HS6ST3: variants seen among roughly 807,000 people sequenced by gnomAD.
The protein encoded by HS6ST3 is heparan sulfate 6-O-sulfotransferase 3.
Under a neutral mutation model 36.7 loss-of-function variants are expected in HS6ST3, and 12 were observed. That is an observed-to-expected ratio of 0.33 (90% confidence interval 0.21 to 0.53). The LOEUF (loss-of-function observed/expected upper bound fraction) is 0.53, where lower values mean the gene tolerates loss of function less well. Among genes scored for constraint, HS6ST3 ranks in the 20% least tolerant of loss-of-function variants. The pLI, the probability that HS6ST3 is intolerant of heterozygous loss-of-function variation, is 0.95. For missense variants in HS6ST3, 584 were observed against 640.9 expected (o/e 0.91, Z 0.96); for synonymous variants, 240 against 257.5 (o/e 0.93, Z 0.65).
chr13:96,209,000 A>G (rs2139356277), intron 1 of HS6ST3, among the ~76,000 whole-genome samples: 1 of 152,294 alleles, frequency 6.6e-6, no homozygotes, highest in South Asian at 2.1e-4. Context: ...TAACTGCATG[A>G]GTTTGTGCAC....
intron 1 of HS6ST3, among the ~76,000 whole-genome samples, chr13:96,674,751 A>G (rs1438864521): frequency 6.6e-6 from 1 of 152,128 alleles, no homozygotes; most frequent in African/African-American, 2.4e-5. Flanking sequence ...GCAGTGGTCC[A>G]CTGCTCACTT....
At chr13:96,538,120 A>G (rs543334082) in intron 1 of HS6ST3, among the ~76,000 whole-genome samples, 1 of 152,310 alleles carries the variant, frequency 6.6e-6, no homozygotes, top group East Asian at 1.9e-4. Context: ...GAGGACCCAA[A>G]CACGAATTAG....
At chr13:96,664,899 T>C (rs928439204) in intron 1 of HS6ST3, among the ~76,000 whole-genome samples, 3 of 152,138 alleles carry the variant, frequency 2.0e-5, no homozygotes, top group Admixed American at 2.0e-4. Flanking sequence ...AGGCTAAGCA[T>C]GGTGGCTCAT....
chr13:96,382,941 A>G (rs1441001939), intron 1 of HS6ST3, among the ~76,000 whole-genome samples: 1 of 152,242 alleles, frequency 6.6e-6, no homozygotes, highest in Non-Finnish European at 1.5e-5. Context: ...ACATGCACAT[A>G]TGTAAAATAT....
intron 1 of HS6ST3, among the ~76,000 whole-genome samples, chr13:96,179,832 T>A (rs1406279577): frequency 6.6e-6 from 1 of 152,144 alleles, no homozygotes; most frequent in Non-Finnish European, 1.5e-5. Flanking sequence ...TTTATTTTAT[T>A]CTATTTATTT....
chr13:96,333,533 G>C (rs2055083414), intron 1 of HS6ST3, among the ~76,000 whole-genome samples: 1 of 152,138 alleles, frequency 6.6e-6, no homozygotes. Context: ...TTTGTATGGA[G>C]GGCTTTGGGA....
chr13:96,625,318 G>T (rs890668483), intron 1 of HS6ST3, among the ~76,000 whole-genome samples: 3 of 152,090 alleles, frequency 2.0e-5, no homozygotes, highest in Non-Finnish European at 4.4e-5. Context: ...CATCTGGTTC[G>T]GGAAACAAGT....
chr13:96,573,435 C>T (rs944197913), intron 1 of HS6ST3, among the ~76,000 whole-genome samples: 2 of 151,970 alleles, frequency 1.3e-5, no homozygotes, highest in African/African-American at 2.4e-5. Flanking sequence ...AGGCAGAGCA[C>T]GAGAGGTCCT....
rs148333609 is a variant in HS6ST3, at chr13:96,507,138, C to A, written c.708-325352C>A. On this transcript the variant is annotated intron_variant, in intron 1 of 1. Coordinates refer to ENST00000376705, the MANE Select transcript of HS6ST3 (RefSeq NM_153456.4). ...TTACTATTTCCGTGTGGGAATATGT[C>A]AGACTTCATTTAACTCAAATAACTA... is the stretch of plus-strand genomic sequence containing the variant. 5.8e-3 allele frequency among the ~76,000 whole-genome samples: 880 copies of A among 152,214 alleles called. 9 individuals carry two copies. Among genetic ancestry groups the A allele is most frequent in the African/African-American group, 0.016 (657 of 41,532 alleles).
At chr13:96,762,411 T>C (rs980767478) in intron 1 of HS6ST3, among the ~76,000 whole-genome samples, 45 of 152,158 alleles carry the variant, frequency 3.0e-4, no homozygotes, top group Non-Finnish European at 1.0e-4. Flanking sequence ...ACCCAGGAGA[T>C]GGAGGTTGCA....
intron 1 of HS6ST3, among the ~76,000 whole-genome samples, chr13:96,572,152 G>A (rs762906812): frequency 9.2e-5 from 14 of 152,166 alleles, no homozygotes; most frequent in Non-Finnish European, 1.8e-4. Flanking sequence ...GATCTTGGGC[G>A]TGTCCCTTAA....
intron 1 of HS6ST3, among the ~76,000 whole-genome samples, chr13:96,430,214 T>A (rs2055607989): frequency 6.6e-6 from 1 of 152,214 alleles, no homozygotes; most frequent in Non-Finnish European, 1.5e-5. Context: ...AAAATGAACC[T>A]AATTTCTGGC....
rs962104943 is a variant in HS6ST3 at position 96,285,087 on chromosome 13, C to T, written c.707+193518C>T. ...TTTACTTATTAGTCTTGCACTTCAT[C>T]GCTTCATGATCTTTGGCTTTGGTAA... On this transcript the variant is annotated intron_variant, in intron 1 of 1. Coordinates refer to ENST00000376705, the MANE Select transcript of HS6ST3 (RefSeq NM_153456.4). Among the ~76,000 whole-genome samples, 7 of 152,086 alleles carry T rather than the reference C, an allele frequency of 4.6e-5. No homozygotes were observed. The South Asian group carries it at 8.3e-4, about 18-fold the overall frequency.
At position 96,832,525 on chromosome 13, in the gene HS6ST3, T is replaced by C. The variant is rs774015751; in HGVS notation, c.743T>C (p.Val248Ala). The change falls in exon 2 of 2, where the codon GTG (valine) becomes GCG (alanine). Residue 248 changes from valine (V) to alanine (A), a missense_variant. This residue lies in a region of HS6ST3 where 360 missense variants were observed against 411.3 expected (regional missense o/e 0.88). Transcript: ENST00000376705. ...FYYITMLRDP[V>A]SRYLSEWKHV... ...TACATCACAATGTTACGGGATCCAG[T>C]GTCACGTTACCTGAGCGAGTGGAAA... The C allele has an allele frequency of 6.9e-6, 11 of 1,597,320 alleles. No homozygotes were observed.
chr13:96,618,525 C>T (rs936388347), intron 1 of HS6ST3, among the ~76,000 whole-genome samples: 1 of 152,046 alleles, frequency 6.6e-6, no homozygotes, highest in East Asian at 1.9e-4. Context: ...GTATTGGGGC[C>T]CTTATTTGCA....
At chr13:96,508,177 G>C (rs555445368) in intron 1 of HS6ST3, among the ~76,000 whole-genome samples, 3 of 151,882 alleles carry the variant, frequency 2.0e-5, no homozygotes, top group African/African-American at 7.3e-5. Context: ...CTCAAATTTC[G>C]CAGGGTAATA....
At chr13:96,406,907 A>G (rs980745845) in intron 1 of HS6ST3, among the ~76,000 whole-genome samples, 2 of 29,800 alleles carry the variant, frequency 6.7e-5, no homozygotes, top group African/African-American at 1.6e-4. Context: ...AACTTTTATT[A>G]AACATTTTTT....
At chr13:96,819,736 T>C (rs1235677692) in intron 1 of HS6ST3, among the ~76,000 whole-genome samples, 1 of 152,164 alleles carries the variant, frequency 6.6e-6, no homozygotes, top group Non-Finnish European at 1.5e-5. Context: ...GCTCTACTAC[T>C]TTTTACTTGT....
chr13:96,511,712 G>A lies in HS6ST3; in HGVS notation c.708-320778G>A, dbSNP rs557689520. ...AACTTTGCACTTGGTGTCCTTAGGT[G>A]AACAGAATTTTTTAATTTAATCAAA... On this transcript the variant is annotated intron_variant, in intron 1 of 1. Transcript: ENST00000376705. Among the ~76,000 whole-genome samples the A allele has an allele frequency of 5.3e-5, 8 of 151,898 alleles. No homozygotes were observed. The South Asian group carries it at 1.5e-3, about 28-fold the overall frequency.
Sources: allele counts gnomAD v4.1 joint callset (sites outside exome capture counted in the v4.1 genomes callset), GRCh38; gene constraint gnomAD v4.1.1; regional missense constraint gnomAD v4.1.1; transcripts MANE v1.5; gene names NCBI Gene and HGNC (gene_info 2026-07-23, HGNC 2026-07-21).